SLC8A1: variants seen among roughly 807,000 people sequenced by gnomAD.
The protein encoded by SLC8A1 is sodium/calcium exchanger 1.
SLC8A1 carries 18 observed loss-of-function variants against 68.3 expected under a neutral mutation model. The ratio of observed to expected loss-of-function variants is 0.26; its 90% CI spans 0.18 to 0.39. The LOEUF is 0.39. Ranked by LOEUF, SLC8A1 falls within the 10% of genes least tolerant of loss-of-function variation. The pLI is 1.00. For synonymous variants in SLC8A1, 475 were observed against 415.5 expected, an observed-to-expected ratio of 1.14 and a Z score of -1.74; for missense variants, 985 against 1,156.7, an observed-to-expected ratio of 0.85 and a Z score of 2.15.
chr2:40,316,875 A>G (rs2074524984), intron 2 of SLC8A1, among the ~76,000 whole-genome samples: 1 of 151,966 alleles, frequency 6.6e-6, no homozygotes, highest in Admixed American at 6.6e-5. Flanking sequence ...ACCATACCTC[A>G]GGGCATTCAT....
At chr2:40,253,115 ATACATATATACACGTATATATG>A (rs1200374901) in intron 2 of SLC8A1, among the ~76,000 whole-genome samples, 1 of 109,962 alleles carries the variant, frequency 9.1e-6, no homozygotes, top group Admixed American at 1.1e-4. Flanking sequence ...ATATACGTGT[ATACATATATACACGTATATATG>A]TATATGTATA....
exon 2 of SLC8A1, chr2:40,429,729 T>G (rs1190218336): frequency 6.2e-7 from 1 of 1,613,714 alleles, no homozygotes; most frequent in Admixed American, 1.7e-5. Context: ...AAACACAGAG[T>G]GCAATAATGA....
intron 1 of SLC8A1, among the ~76,000 whole-genome samples, chr2:40,473,641 A>T (rs1305260355): frequency 6.6e-6 from 1 of 152,208 alleles, no homozygotes; most frequent in Non-Finnish European, 1.5e-5. Context: ...CAGAATATGA[A>T]ATGGGTTGCC....
chr2:40,223,287 G>A (rs1483817694), intron 2 of SLC8A1, among the ~76,000 whole-genome samples: 1 of 152,116 alleles, frequency 6.6e-6, no homozygotes, highest in Non-Finnish European at 1.5e-5. Flanking sequence ...AACACCACAT[G>A]TTCTCACTCA....
chr2:40,489,462 G>A (rs1442844357), intron 1 of SLC8A1, among the ~76,000 whole-genome samples: 2 of 151,972 alleles, frequency 1.3e-5, no homozygotes, highest in South Asian at 2.1e-4. Context: ...CCATGGTCAC[G>A]GTCTGTGCCT....
In SLC8A1 at chr2:40,350,703, T is replaced by G. The variant is rs950153954; in HGVS notation, c.1808+77770A>C. 9.9e-5 allele frequency among the ~76,000 whole-genome samples: 15 copies of G among 151,048 alleles called. No homozygotes were observed. The East Asian group carries it at 2.1e-3, about 22-fold the overall frequency. On this transcript the variant is annotated intron_variant, in intron 2 of 7. Coordinates refer to ENST00000406785, the Ensembl canonical transcript of SLC8A1. ...CCTTATATAAGTATATCTTTTATTG[T>G]AAAAGCTAAAAGATGTTATAAATTA...
intron 2 of SLC8A1, among the ~76,000 whole-genome samples, chr2:40,315,370 G>C (rs1304783270): frequency 6.6e-6 from 1 of 151,140 alleles, no homozygotes; most frequent in African/African-American, 2.4e-5. Flanking sequence ...TGGAAGGTTA[G>C]TCACAGTTGT....
In SLC8A1 at chr2:40,444,903, T is replaced by C. The variant is rs1304398216; in HGVS notation, c.-25+7001A>G. On this transcript the variant is annotated intron_variant, in intron 1 of 7. Coordinates refer to ENST00000406785, the Ensembl canonical transcript of SLC8A1. ...CTGGGCATTTAAAAAATCAGCTCTC[T>C]GATCTTCGGTATATGCCATTTTGCG... Among the ~76,000 whole-genome samples, 4 of 152,182 alleles carry C rather than the reference T, an allele frequency of 2.6e-5. 1 individual carries two copies. Among genetic ancestry groups the C allele is most frequent in the Non-Finnish European group, 5.9e-5 (4 of 68,040 alleles).
chr2:40,216,012 C>CCTTTTT (rs2057416988), intron 2 of SLC8A1, among the ~76,000 whole-genome samples: 2 of 143,748 alleles, frequency 1.4e-5, no homozygotes, highest in Non-Finnish European at 3.0e-5. Context: ...CCAGTGTATG[C>CCTTTTT]TTTTTTTTTT....
chr2:40,369,488 G>C (rs1559414559), intron 2 of SLC8A1, among the ~76,000 whole-genome samples: 1 of 152,038 alleles, frequency 6.6e-6, no homozygotes, highest in Non-Finnish European at 1.5e-5. Context: ...AATAGATTTA[G>C]CATTGCTAAT....
chr2:40,285,454 TTCTC>T (rs557392723), intron 2 of SLC8A1, among the ~76,000 whole-genome samples: 180 of 152,286 alleles, frequency 1.2e-3, no homozygotes, highest in African/African-American at 4.0e-3. Flanking sequence ...TTCTTTCACA[TTCTC>T]TCTCTCTTTC....
At chr2:40,497,075 A>T (rs115816532) in intron 1 of SLC8A1, among the ~76,000 whole-genome samples, 2,686 of 128,068 alleles carry the variant, frequency 0.021, 29 homozygotes, top group African/African-American at 0.032. Flanking sequence ...AAAGTACAAT[A>T]AAAAAAAAAT....
chr2:40,359,364 T>A (rs1673810690), intron 2 of SLC8A1, among the ~76,000 whole-genome samples: 1 of 152,202 alleles, frequency 6.6e-6, no homozygotes, highest in African/African-American at 2.4e-5. Context: ...TAAAGGTACA[T>A]ACATGACTCA....
At chr2:40,349,288 T>C (rs1043522407) in intron 2 of SLC8A1, among the ~76,000 whole-genome samples, 1 of 152,154 alleles carries the variant, frequency 6.6e-6, no homozygotes, top group African/African-American at 2.4e-5. Context: ...GCCCTGCTCA[T>C]TGGTTACAGT....
At chr2:40,111,740 A>C (rs1486418951) in exon 8 of SLC8A1, 1 of 152,196 alleles carries the variant, frequency 6.6e-6, no homozygotes, top group Non-Finnish European at 1.5e-5. Flanking sequence ...GTTCTACAAG[A>C]GGAATATAAC....
chr2:40,398,842 G>C (rs1288274933), intron 2 of SLC8A1, among the ~76,000 whole-genome samples: 2 of 152,152 alleles, frequency 1.3e-5, no homozygotes, highest in Non-Finnish European at 2.9e-5. Flanking sequence ...CAGTTTGATT[G>C]ATAAATGACA....
At chr2:40,414,232 A>T (rs1330306303) in intron 2 of SLC8A1, among the ~76,000 whole-genome samples, 1 of 152,184 alleles carries the variant, frequency 6.6e-6, no homozygotes, top group Non-Finnish European at 1.5e-5. Flanking sequence ...GGAAAACAGT[A>T]TCTTAAGACC....
intron 2 of SLC8A1, among the ~76,000 whole-genome samples, chr2:40,200,555 C>G (rs916061258): frequency 6.6e-6 from 1 of 151,318 alleles, no homozygotes; most frequent in African/African-American, 2.4e-5. Context: ...AGCTTAGTCC[C>G]TCTTAGCCCC....
chr2:40,154,479 CTTTTCTTTTTTTTT>C (rs1223363762), intron 6 of SLC8A1, among the ~76,000 whole-genome samples: 1 of 30,044 alleles, frequency 3.3e-5, no homozygotes, highest in Non-Finnish European at 7.4e-5. Context: ...AATTTTTTTT[CTTTTCTTTTTTTTT>C]TTTTTTTGTA....
Sources: allele counts gnomAD v4.1 joint callset (sites outside exome capture counted in the v4.1 genomes callset), GRCh38; gene constraint gnomAD v4.1.1; transcripts MANE v1.5; gene names NCBI Gene and HGNC (gene_info 2026-07-23, HGNC 2026-07-21).